The following GREB1 variants were observed in gnomAD, a reference collection of about 807,000 sequenced individuals.
GREB1 encodes growth regulating estrogen receptor binding 1.
GREB1 carries 106 observed loss-of-function variants against 200.7 expected under a neutral mutation model. The ratio of observed to expected loss-of-function variants is 0.53; its 90% confidence interval spans 0.45 to 0.62. GREB1 has a LOEUF of 0.62. Among genes scored for constraint, GREB1 ranks in the 20% least tolerant of loss-of-function variants. GREB1 has a pLI of 0.00. For missense variants in GREB1, 2,243 were observed against 2,556.8 expected (o/e 0.88, Z 2.65); for synonymous variants, 1,132 against 1,092.4 (o/e 1.04, Z -0.72).
intron 1 of GREB1, among the ~76,000 whole-genome samples, chr2:11,527,679 C>G (rs944518302): frequency 1.3e-5 from 2 of 152,206 alleles, no homozygotes; most frequent in African/African-American, 4.8e-5. Context: ...GGCAGCCAGG[C>G]ACTGCCTAGG....
chr2:11,618,738 C>G lies in GREB1; in HGVS notation c.3863C>G (p.Ser1288Trp), dbSNP rs781188231. Residue 1288 changes from serine to tryptophan, a missense_variant, in exon 22 of 33, where the codon TCG (serine) becomes TGG (tryptophan). Transcript: ENST00000381486. ...PKAASLLPSP[S>W]VMWASSFRPL... ...GCCGCCTCCCTCCTGCCCTCCCCCT[C>G]GGTCATGTGGGCCAGCTCTTTCCGC... is the stretch of plus-strand genomic sequence containing the variant. The G allele has an allele frequency of 1.2e-6, 2 of 1,613,388 alleles. No individual in the cohort carries two copies. The highest frequency in any genetic ancestry group is 1.7e-6 in the Non-Finnish European group (2 of 1,179,778).
At chr2:11,488,467 T>G (rs1672706125) in intron 1 of GREB1, among the ~76,000 whole-genome samples, 1 of 152,130 alleles carries the variant, frequency 6.6e-6, no homozygotes, top group East Asian at 1.9e-4. Flanking sequence ...GATCAGGAAC[T>G]CTGACTGAAA....
intron 1 of GREB1, among the ~76,000 whole-genome samples, chr2:11,497,545 TA>T (rs755608557): frequency 6.6e-6 from 1 of 151,986 alleles, no homozygotes; most frequent in Non-Finnish European, 1.5e-5. Context: ...TAAGAAACTA[TA>T]AAAGAGTTTT....
chr2:11,510,588 T>C (rs1405844397), intron 1 of GREB1, among the ~76,000 whole-genome samples: 1 of 152,226 alleles, frequency 6.6e-6, no homozygotes, highest in Non-Finnish European at 1.5e-5. Flanking sequence ...TCTTTTCCTT[T>C]ATCCACCAGT....
intron 3 of GREB1, 61 bp from the exon 4 acceptor site, chr2:11,566,419 C>A: frequency 6.6e-7 from 1 of 1,509,400 alleles, no homozygotes; most frequent in Non-Finnish European, 8.9e-7. Context: ...CTCCCTTTGC[C>A]CCTGTGACCC....
rs767762720 is a variant in GREB1 at position 11,580,532 on chromosome 2, G to T, written c.773-172G>T. Among the ~76,000 whole-genome samples, 3 of 152,172 alleles carry T rather than the reference G, an allele frequency of 2.0e-5. No homozygotes were observed. Among genetic ancestry groups the T allele is most frequent in the Non-Finnish European group, 2.9e-5 (2 of 68,034 alleles). On this transcript the variant is annotated intron_variant, in intron 6 of 32. Coordinates refer to ENST00000381486, the MANE Select transcript of GREB1 (RefSeq NM_014668.4). The surrounding 1 kb of genome is among the most constrained non-coding windows in gnomAD (Gnocchi z 4.5). ...GGTGTGTGTGTGTATGCATGTGTCT[G>T]CATGTATCTTCTCAGTGTAGCAGAA... is the stretch of plus-strand genomic sequence containing the variant.
intron 19 of GREB1, among the ~76,000 whole-genome samples, chr2:11,613,147 A>G (rs1572921195): frequency 6.6e-6 from 1 of 152,150 alleles, no homozygotes; most frequent in Non-Finnish European, 1.5e-5. Context: ...CTCTGAATCC[A>G]TCACAGCCTG....
intron 2 of GREB1, among the ~76,000 whole-genome samples, 195 bp from the exon 3 acceptor site, chr2:11,562,268 T>C (rs555272663): frequency 6.6e-6 from 1 of 152,328 alleles, no homozygotes; most frequent in East Asian, 1.9e-4. Flanking sequence ...TGACAGACTG[T>C]TTGTAAGGAC....
At position 11,640,152 on chromosome 2, in the gene GREB1, G is replaced by T; in HGVS notation, c.5687-139G>T. Reference sequence around the variant, plus strand: ...AAGATTGTACATCATCCCGAAAGAAGCAAGGGGCCGACTTGGATGCCGCTT... The same window carrying T: ...AAGATTGTACATCATCCCGAAAGAATCAAGGGGCCGACTTGGATGCCGCTT... On this transcript the variant is annotated intron_variant, in intron 32 of 32. Transcript: ENST00000381486. This position sits in a 1 kb window ranked among gnomAD's most constrained non-coding sequence, Gnocchi z 4.6. 2 of 712,026 alleles carry T rather than the reference G, an allele frequency of 2.8e-6. No individual in the cohort carries two copies. The highest frequency in any genetic ancestry group is 2.3e-6 in the Non-Finnish European group (1 of 437,244). The allele number at this position is 712,026 out of a possible 1,614,324, so 44.1% of individuals were successfully genotyped here. A position where few individuals can be genotyped will look rare whatever the true frequency, so the allele number is the denominator to read the frequency against.
At chr2:11,549,327 G>T (rs1286310195) in intron 1 of GREB1, among the ~76,000 whole-genome samples, 14 of 152,044 alleles carry the variant, frequency 9.2e-5, no homozygotes, top group Non-Finnish European at 2.9e-5. Context: ...TCTCTTTGTG[G>T]GTATTCGGTG....
Position 11,506,703 on chromosome 2 carries a change from T to C in GREB1, c.-159+24322T>C, listed in dbSNP as rs567160695. The stretch of plus-strand genomic sequence containing the variant: ...AATGTGATGTGTGCTAGGGATGAGA[T>C]CATGGAAGCTTGGGGAGGCTTGGGA... On this transcript the variant is annotated intron_variant, in intron 1 of 2. Transcript: ENST00000628795. Among the ~76,000 whole-genome samples, 4 of 152,108 alleles carry C rather than the reference T, an allele frequency of 2.6e-5. No homozygotes were observed. The South Asian group carries it at 8.3e-4, about 32-fold the overall frequency.
At chr2:11,639,511 G>A (rs983565204) in intron 32 of GREB1, among the ~76,000 whole-genome samples, 1 of 152,186 alleles carries the variant, frequency 6.6e-6, no homozygotes. Context: ...TGGCTTTTAC[G>A]CCAGTCTTCC....
chr2:11,574,458 C>A (rs953312961), intron 4 of GREB1, among the ~76,000 whole-genome samples: 1 of 151,996 alleles, frequency 6.6e-6, no homozygotes, highest in African/African-American at 2.4e-5. Context: ...ACAGGTGGGG[C>A]CCCCAGAGGA....
intron 2 of GREB1, among the ~76,000 whole-genome samples, chr2:11,559,369 G>A (rs1306806405): frequency 6.6e-6 from 1 of 152,194 alleles, no homozygotes; most frequent in African/African-American, 2.4e-5. Flanking sequence ...TGGAATATCT[G>A]ATGTAGACCT....
intron 13 of GREB1, among the ~76,000 whole-genome samples, chr2:11,596,954 T>G (rs1681325006): frequency 6.7e-6 from 1 of 149,410 alleles, no homozygotes; most frequent in Non-Finnish European, 1.5e-5. Context: ...GTGTGCACCG[T>G]GAGAGTGGGC....
Position 11,556,694 on chromosome 2 carries a change from G to T in GREB1, c.80G>T (p.Arg27Leu), listed in dbSNP as rs532741308. 8.1e-6 allele frequency: 13 copies of T among 1,613,776 alleles called. No homozygotes were observed. The highest frequency in any genetic ancestry group is 1.1e-5 in the South Asian group (1 of 91,076). ...VLHNSIEASL[R>L]SNNLVPRPIF... ...CACAATTCCATCGAGGCATCCCTGCGGTCCAACAACCTGGTGCCCAGGCCC... is the reference window on the plus strand; with the variant it reads ...CACAATTCCATCGAGGCATCCCTGCTGTCCAACAACCTGGTGCCCAGGCCC... The change falls in exon 2 of 33, where the codon CGG (arginine) becomes CTG (leucine). Residue 27 changes from arginine (R) to leucine (L), a missense_variant. Physicochemically the swap from Arg to Leu is moderately radical, Grantham distance 102. This residue lies in a region of GREB1 where 1,178 missense variants were observed against 1,387.4 expected (regional missense o/e 0.85). Transcript: ENST00000381486.
At chr2:11,568,947 C>T (rs538610988) in intron 4 of GREB1, among the ~76,000 whole-genome samples, 34 of 152,228 alleles carry the variant, frequency 2.2e-4, no homozygotes, top group Non-Finnish European at 4.3e-4. Flanking sequence ...GATGGCTATA[C>T]AGGACAAGGT....
intron 1 of GREB1, among the ~76,000 whole-genome samples, chr2:11,490,458 A>G (rs1426420671): frequency 1.3e-5 from 2 of 152,162 alleles, no homozygotes; most frequent in Admixed American, 6.5e-5. Context: ...CATTCATCAG[A>G]CTGATGGATG....
chr2:11,489,651 G>A (rs1672736565), intron 1 of GREB1, among the ~76,000 whole-genome samples: 1 of 152,114 alleles, frequency 6.6e-6, no homozygotes, highest in African/African-American at 2.4e-5. Context: ...TAAAATAAGG[G>A]ACTCATGCGT....
Sources: allele counts gnomAD v4.1 joint callset (sites outside exome capture counted in the v4.1 genomes callset), GRCh38; gene constraint gnomAD v4.1.1; regional missense constraint gnomAD v4.1.1; non-coding constraint Gnocchi (gnomAD v3.1); transcripts MANE v1.5; gene names NCBI Gene and HGNC (gene_info 2026-07-23, HGNC 2026-07-21).